STXBP5L: variants seen among roughly 807,000 people sequenced by gnomAD.
The protein encoded by STXBP5L is syntaxin-binding protein 5-like.
Under a neutral mutation model 144.5 loss-of-function variants are expected in STXBP5L, and 65 were observed. That is an observed-to-expected ratio of 0.45 (90% CI 0.37 to 0.55). The LOEUF is 0.55. Ranked by LOEUF, STXBP5L falls within the 20% of genes least tolerant of loss-of-function variation. STXBP5L has a pLI of 0.00. For synonymous variants in STXBP5L, 505 were observed against 469.6 expected, an observed-to-expected ratio of 1.08 and a Z score of -0.97; for missense variants, 1,298 against 1,405.5, an observed-to-expected ratio of 0.92 and a Z score of 1.22.
intron 3 of STXBP5L, among the ~76,000 whole-genome samples, chr3:121,030,193 A>G (rs1271458408): frequency 6.6e-6 from 1 of 152,198 alleles, no homozygotes; most frequent in Non-Finnish European, 1.5e-5. Flanking sequence ...TACCCAAAGG[A>G]TTATAAATCA....
At chr3:121,253,485 C>T (rs867060857) in intron 15 of STXBP5L, among the ~76,000 whole-genome samples, 1 of 151,794 alleles carries the variant, frequency 6.6e-6, no homozygotes, top group Non-Finnish European at 1.5e-5. Flanking sequence ...CAAACATTCA[C>T]TTACATAACC....
At chr3:121,234,820 A>G (rs191438) in intron 12 of STXBP5L, among the ~76,000 whole-genome samples, 74,152 of 151,574 alleles carry the variant, frequency 0.49, 18,595 homozygotes, top group East Asian at 0.73. Flanking sequence ...ATTTATGCTT[A>G]TTCTTCTAAG....
chr3:121,003,998 T>C (rs1944023780), intron 3 of STXBP5L, among the ~76,000 whole-genome samples: 1 of 152,172 alleles, frequency 6.6e-6, no homozygotes, highest in South Asian at 2.1e-4. Flanking sequence ...CCTCCAGCTT[T>C]GTTCTTTTGG....
chr3:121,175,260 G>A (rs887555661), intron 9 of STXBP5L, among the ~76,000 whole-genome samples: 1 of 152,062 alleles, frequency 6.6e-6, no homozygotes, highest in Admixed American at 6.6e-5. Context: ...CATCTCTAGA[G>A]AAATTTGAAG....
At chr3:121,332,658 TGAA>T (rs979305864) in intron 20 of STXBP5L, among the ~76,000 whole-genome samples, 4 of 152,070 alleles carry the variant, frequency 2.6e-5, no homozygotes, top group South Asian at 4.1e-4. Context: ...CTGGTGTTTC[TGAA>T]GAAGAAGAAA....
chr3:121,231,401 G>A (rs945950226), intron 11 of STXBP5L, among the ~76,000 whole-genome samples: 2 of 152,272 alleles, frequency 1.3e-5, no homozygotes, highest in Middle Eastern at 3.4e-3. Flanking sequence ...TCTACTTTTT[G>A]TAGTTTTCCT....
intron 5 of STXBP5L, among the ~76,000 whole-genome samples, chr3:121,101,034 G>A (rs985689405): frequency 6.6e-6 from 1 of 151,966 alleles, no homozygotes; most frequent in Non-Finnish European, 1.5e-5. Context: ...TCCCAAGAAT[G>A]AATCAGGAAG....
intron 9 of STXBP5L, among the ~76,000 whole-genome samples, chr3:121,202,166 G>T (rs1354375690): frequency 6.6e-6 from 1 of 151,986 alleles, no homozygotes; most frequent in African/African-American, 2.4e-5. Flanking sequence ...TTATATAATT[G>T]TATGTCTTTT....
At chr3:121,216,766 G>A (rs559159157) in intron 10 of STXBP5L, among the ~76,000 whole-genome samples, 17 of 152,244 alleles carry the variant, frequency 1.1e-4, no homozygotes, top group Admixed American at 4.6e-4. Context: ...TGTTTAAGTC[G>A]GCTTAAGCTG....
chr3:121,351,310 T>A (rs1370206993), intron 20 of STXBP5L, among the ~76,000 whole-genome samples: 1 of 152,100 alleles, frequency 6.6e-6, no homozygotes, highest in Non-Finnish European at 1.5e-5. Flanking sequence ...GCCTGATTGT[T>A]CCTCTGGAAG....
In STXBP5L at chr3:121,112,966, TG is replaced by T. The variant is rs529840274; in HGVS notation, c.471-1952del. ...TTCTAAGTAATCCTGTTACTCTTTT[TG>T]GGGGGGTTCAGTTAAAACCTGAAAA... On this transcript the variant is annotated intron_variant, in intron 5 of 26. Transcript: ENST00000471454. Among the ~76,000 whole-genome samples, 232 of 152,228 alleles carry T rather than the reference TG, an allele frequency of 1.5e-3. 3 individuals are homozygous for T. Among genetic ancestry groups the T allele is most frequent in the African/African-American group, 5.2e-3 (218 of 41,546 alleles).
intron 5 of STXBP5L, among the ~76,000 whole-genome samples, chr3:121,093,759 G>T (rs551824466): frequency 6.6e-6 from 1 of 152,148 alleles, no homozygotes; most frequent in African/African-American, 2.4e-5. Flanking sequence ...GGTTTTTTGT[G>T]TCTCTATTTC....
At chr3:121,367,760 C>T (rs1253881889) in intron 20 of STXBP5L, among the ~76,000 whole-genome samples, 1 of 148,734 alleles carries the variant, frequency 6.7e-6, no homozygotes, top group Non-Finnish European at 1.5e-5. Context: ...AGGCATTTGC[C>T]ACCACACTTG....
intron 3 of STXBP5L, among the ~76,000 whole-genome samples, chr3:120,983,331 C>T (rs953905482): frequency 5.3e-5 from 8 of 152,128 alleles, no homozygotes; most frequent in African/African-American, 1.9e-4. Flanking sequence ...TCAGTGGGAT[C>T]AGCAAAGTCA....
intron 2 of STXBP5L, among the ~76,000 whole-genome samples, chr3:120,920,675 A>G (rs1709319536): frequency 6.6e-6 from 1 of 151,674 alleles, no homozygotes; most frequent in Non-Finnish European, 1.5e-5. Flanking sequence ...GGCCTCTGGC[A>G]AACAATATAC....
chr3:121,203,193 ATCACTCCC>A (rs2048205783), intron 9 of STXBP5L, among the ~76,000 whole-genome samples: 1 of 152,204 alleles, frequency 6.6e-6, no homozygotes, highest in African/African-American at 2.4e-5. Flanking sequence ...CTTTACACTC[ATCACTCCC>A]TAACTTGAAA....
At chr3:121,052,687 A>G (rs1192818571) in intron 5 of STXBP5L, among the ~76,000 whole-genome samples, 1 of 152,126 alleles carries the variant, frequency 6.6e-6, no homozygotes. Context: ...AACTGGCACA[A>G]GACAGGGATG....
At chr3:121,115,118 A>G (rs1415973330) in intron 6 of STXBP5L, 59 bp downstream of exon 6, 13 of 1,490,790 alleles carry the variant, frequency 8.7e-6, no homozygotes, top group Non-Finnish European at 1.1e-5. Context: ...GTTATGTAAC[A>G]TGTAGGTCAA....
At chr3:121,417,152 C>T (rs1490780241) in intron 25 of STXBP5L, among the ~76,000 whole-genome samples, 5 of 152,076 alleles carry the variant, frequency 3.3e-5, no homozygotes, top group African/African-American at 4.8e-5. Context: ...TTAATGATTG[C>T]CAGGGGCTGA....
Sources: allele counts gnomAD v4.1 joint callset (sites outside exome capture counted in the v4.1 genomes callset), GRCh38; gene constraint gnomAD v4.1.1; transcripts MANE v1.5; gene names NCBI Gene and HGNC (gene_info 2026-07-23, HGNC 2026-07-21).